MACROD2: variants seen among roughly 807,000 people sequenced by gnomAD.
MACROD2 encodes the protein mono-ADP ribosylhydrolase 2, also known as ADP-ribose glycohydrolase MACROD2.
MACROD2 carries 36 observed loss-of-function variants against 70.4 expected under a neutral mutation model. That is an observed-to-expected ratio of 0.51 (90% CI 0.39 to 0.68). The LOEUF is 0.68. Ranked by LOEUF, MACROD2 falls within the 30% of genes least tolerant of loss-of-function variation. MACROD2 has a pLI of 0.00. For missense variants in MACROD2, 496 were observed against 538.4 expected (o/e 0.92, Z 0.78); for synonymous variants, 172 against 178.8 (o/e 0.96, Z 0.30).
chr20:15,030,433 CT>C (rs1489788815), intron 5 of MACROD2, among the ~76,000 whole-genome samples: 1 of 152,178 alleles, frequency 6.6e-6, no homozygotes, highest in Non-Finnish European at 1.5e-5. Flanking sequence ...ATAACTACTC[CT>C]GCTTAATTGC....
chr20:15,823,125 A>G (rs1371739232), intron 8 of MACROD2, among the ~76,000 whole-genome samples: 1 of 152,256 alleles, frequency 6.6e-6, no homozygotes, highest in African/African-American at 2.4e-5. Flanking sequence ...TAGAAGCAAC[A>G]TGGATAAATA....
intron 6 of MACROD2, among the ~76,000 whole-genome samples, chr20:15,286,374 CATGA>C (rs2077491421): frequency 4.6e-5 from 7 of 151,998 alleles, no homozygotes; most frequent in African/African-American, 1.7e-4. Flanking sequence ...GAACTAACAA[CATGA>C]TTCTCCAGGT....
intron 3 of MACROD2, among the ~76,000 whole-genome samples, chr20:14,256,635 C>T (rs921194077): frequency 6.6e-6 from 1 of 152,084 alleles, no homozygotes; most frequent in Non-Finnish European, 1.5e-5. Flanking sequence ...GAGATGCTAG[C>T]CTATTTAAGA....
chr20:15,530,326 G>A (rs1280556555), intron 8 of MACROD2, among the ~76,000 whole-genome samples: 1 of 152,124 alleles, frequency 6.6e-6, no homozygotes, highest in Non-Finnish European at 1.5e-5. Flanking sequence ...CTGTGAACAT[G>A]GGTCAGTTTT....
chr20:15,967,292 C>T (rs1006950021), intron 12 of MACROD2, among the ~76,000 whole-genome samples: 1 of 152,126 alleles, frequency 6.6e-6, no homozygotes, highest in African/African-American at 2.4e-5. Flanking sequence ...TGCAAAAAGC[C>T]TGCTTTTATT....
At chr20:14,247,450 G>GA (rs2081976658) in intron 3 of MACROD2, among the ~76,000 whole-genome samples, 1 of 152,194 alleles carries the variant, frequency 6.6e-6, no homozygotes, top group Non-Finnish European at 1.5e-5. Context: ...GAAATATAAG[G>GA]AATGACTCAA....
intron 8 of MACROD2, among the ~76,000 whole-genome samples, chr20:15,723,584 T>G (rs530757901): frequency 3.0e-4 from 45 of 152,330 alleles, no homozygotes; most frequent in African/African-American, 1.1e-3. Context: ...GTAATATGCA[T>G]TTAAGGTTCC....
intron 3 of MACROD2, among the ~76,000 whole-genome samples, chr20:14,229,844 A>G (rs2081783973): frequency 6.6e-6 from 1 of 152,220 alleles, no homozygotes; most frequent in African/African-American, 2.4e-5. Flanking sequence ...TATGGTACAC[A>G]GATATAATGG....
rs561602311 is a variant in MACROD2 at position 15,078,261 on chromosome 20, C to A, written c.419-151679C>A. 5.5e-4 allele frequency among the ~76,000 whole-genome samples: 83 copies of A among 152,110 alleles called. 2 individuals are homozygous for A. The South Asian group carries it at 0.016, about 29-fold the overall frequency. On this transcript the variant is annotated intron_variant, in intron 5 of 17. Transcript: ENST00000684519. ...GATAATAGAAGCTATATTCAGATTC[C>A]CAAGTTGTATTCTGAGTTTTTGCTC...
At position 14,021,193 on chromosome 20, in the gene MACROD2, G is replaced by T. The variant is rs369023760; in HGVS notation, c.163+18789G>T. Reference sequence around the variant, plus strand: ...TTTAGTAGAGACGCGGTTTCACCGTGTTAGCCAGGATGCTCTCGATCTCTT... The same window carrying T: ...TTTAGTAGAGACGCGGTTTCACCGTTTTAGCCAGGATGCTCTCGATCTCTT... On this transcript the variant is annotated intron_variant, in intron 2 of 17. Coordinates refer to ENST00000684519, the MANE Select transcript of MACROD2 (RefSeq NM_001351661.2). 2.0e-5 allele frequency among the ~76,000 whole-genome samples: 3 copies of T among 152,038 alleles called. No homozygotes were observed. The South Asian group carries it at 6.2e-4, about 32-fold the overall frequency.
chr20:14,587,262 C>T (rs781024339), intron 4 of MACROD2, among the ~76,000 whole-genome samples: 22 of 151,720 alleles, frequency 1.5e-4, no homozygotes, highest in Non-Finnish European at 1.3e-4. Context: ...TTCATGTTCT[C>T]ATACCTTAGC....
chr20:15,151,869 A>C lies in MACROD2; in HGVS notation c.419-78071A>C, dbSNP rs530031660. The stretch of plus-strand genomic sequence containing the variant: ...AAAGTATTATAGGGTGGAGGAGTGG[A>C]GGCTAAGGAAGAATTGGGACCTAGC... On this transcript the variant is annotated intron_variant, in intron 5 of 17. Transcript: ENST00000684519. Among the ~76,000 whole-genome samples the C allele has an allele frequency of 1.3e-4, 19 of 151,916 alleles. No individual in the cohort carries two copies. In the South Asian group the frequency reaches 3.9e-3, roughly 32 times the overall value.
At chr20:14,330,466 G>C (rs2082815546) in intron 3 of MACROD2, among the ~76,000 whole-genome samples, 1 of 152,026 alleles carries the variant, frequency 6.6e-6, no homozygotes, top group African/African-American at 2.4e-5. Context: ...TATAGCATCT[G>C]TTCCATAATT....
chr20:14,882,032 C>A (rs2073616452), intron 5 of MACROD2, among the ~76,000 whole-genome samples: 2 of 152,278 alleles, frequency 1.3e-5, no homozygotes, highest in South Asian at 4.1e-4. Context: ...GAAATTGAGG[C>A]ACAGAAATGT....
intron 8 of MACROD2, among the ~76,000 whole-genome samples, chr20:15,762,210 G>T (rs1020697280): frequency 5.9e-5 from 9 of 152,086 alleles, no homozygotes; most frequent in African/African-American, 1.9e-4. Context: ...ACAGACTACT[G>T]TTCATACATT....
chr20:14,746,276 G>T (rs547936828), intron 5 of MACROD2, among the ~76,000 whole-genome samples: 1 of 152,028 alleles, frequency 6.6e-6, no homozygotes, highest in African/African-American at 2.4e-5. Context: ...TCCTGTGACC[G>T]CTCATGTTTG....
intron 3 of MACROD2, among the ~76,000 whole-genome samples, chr20:14,360,599 TAAC>T (rs1239087252): frequency 6.6e-6 from 1 of 152,190 alleles, no homozygotes; most frequent in Admixed American, 6.5e-5. Flanking sequence ...CTGAGGATAT[TAAC>T]AGCTGCCCTG....
At chr20:14,485,511 C>T (rs898983449) in intron 3 of MACROD2, among the ~76,000 whole-genome samples, 6 of 151,954 alleles carry the variant, frequency 3.9e-5, no homozygotes, top group African/African-American at 1.2e-4. Flanking sequence ...ATCATCCTGG[C>T]TAACACGGTG....
chr20:15,249,256 C>T (rs1208952013), intron 6 of MACROD2, among the ~76,000 whole-genome samples: 2 of 152,170 alleles, frequency 1.3e-5, no homozygotes, highest in South Asian at 2.1e-4. Flanking sequence ...TGCAGGGGAA[C>T]GCTGCAAAGA....
Sources: gnomAD v4.1 joint callset for allele counts (sites outside exome capture counted in the v4.1 genomes callset) on GRCh38, gnomAD v4.1.1 for gene constraint, MANE v1.5 for transcripts, NCBI Gene and HGNC (gene_info 2026-07-23, HGNC 2026-07-21) for gene names.